ACER1: variants seen among roughly 807,000 people sequenced by gnomAD.
The protein encoded by ACER1 is CTB-180A7.3.
ACER1 carries 28 observed loss-of-function variants against 24.9 expected under a neutral mutation model. The ratio of observed to expected loss-of-function variants is 1.13; its 90% CI spans 0.83 to 1.54. The LOEUF is 1.54. Ranked by LOEUF, ACER1 falls within the 40% of genes most tolerant of loss-of-function variation. The pLI is 0.00. For missense variants in ACER1, 352 were observed against 349.3 expected (o/e 1.01, Z -0.06); for synonymous variants, 132 against 131.4 (o/e 1.00, Z -0.03).
the ACER1 span, among the ~76,000 whole-genome samples, chr19:6,353,813 G>A: frequency 0.015 from 2,311 of 150,606 alleles, 16 homozygotes; most frequent in Middle Eastern, 0.058. Flanking sequence ...CAACAAGAGC[G>A]AAACCCCATC....
At chr19:6,332,383 C>A (rs1341672412) in intron 1 of ACER1, among the ~76,000 whole-genome samples, 1 of 150,364 alleles carries the variant, frequency 6.7e-6, no homozygotes, top group Admixed American at 6.7e-5. Context: ...AAATCCTCCC[C>A]CCTCAGCCTC....
the ACER1 span, among the ~76,000 whole-genome samples, chr19:6,348,465 G>GAAAAAAAAAAAAAAAAA: frequency 9.8e-6 from 1 of 101,902 alleles, no homozygotes; most frequent in African/African-American, 3.6e-5. Context: ...ACTCCATCTG[G>GAAAAAAAAAAAAAAAAA]AAAAAAAAAA....
chr19:6,318,931 C>A (rs1476567272), intron 1 of ACER1, among the ~76,000 whole-genome samples: 2 of 151,218 alleles, frequency 1.3e-5, no homozygotes, highest in African/African-American at 4.9e-5. Flanking sequence ...TGCTGCCTGG[C>A]CCTGTGACTA....
Position 6,327,918 on chromosome 19 carries a change from T to C in ACER1, c.93+5541A>G, listed in dbSNP as rs943438406. ...GGTGAAACCCCATCTCTACTAAAAA[T>C]AACAAAAAATAGCTGGGCATGGTGG... On this transcript the variant is annotated intron_variant, in intron 1 of 5. Transcript: ENST00000301452. 3.7e-4 allele frequency among the ~76,000 whole-genome samples: 55 copies of C among 150,154 alleles called. 1 individual carries two copies. Among genetic ancestry groups the C allele is most frequent in the Non-Finnish European group, 3.0e-5 (2 of 67,508 alleles).
At position 6,309,801 on chromosome 19, in the gene ACER1, A is replaced by G. The variant is rs148872392; in HGVS notation, c.384T>C (p.Thr128=). Residue 128 remains threonine (T), a synonymous_variant, in exon 4 of 6, where the codon ACT becomes ACC. Transcript: ENST00000301452. ...GGAAGGACAGAAGGGTGCTGACCAC[A>G]GTGGTGATGAAGACCAGGCGGATGA... ...SQFIRLVFIT[T]VVSTLLSFLR... 2.5e-4 allele frequency: 409 copies of G among 1,613,974 alleles called. No homozygotes were observed. The highest frequency in any genetic ancestry group is 3.3e-4 in the Non-Finnish European group (395 of 1,179,982).
At chr19:6,321,841 A>G (rs2091632803) in intron 1 of ACER1, among the ~76,000 whole-genome samples, 1 of 151,432 alleles carries the variant, frequency 6.6e-6, no homozygotes, top group African/African-American at 2.4e-5. Context: ...CGAACTCCTG[A>G]CCTCAGGTCA....
intron 1 of ACER1, among the ~76,000 whole-genome samples, chr19:6,323,077 A>C (rs1201720474): frequency 6.6e-6 from 1 of 151,950 alleles, no homozygotes. Context: ...ACGCCATTGC[A>C]CTCCAGCCTG....
At chr19:6,347,109 A>ATATAT in the ACER1 span, among the ~76,000 whole-genome samples, 123 of 113,772 alleles carry the variant, frequency 1.1e-3, 5 homozygotes, top group South Asian at 5.2e-4. Context: ...AAAAAAAAAA[A>ATATAT]ATATATATAT....
chr19:6,311,649 G>A (rs1419422429), intron 3 of ACER1, among the ~76,000 whole-genome samples: 3 of 150,194 alleles, frequency 2.0e-5, no homozygotes, highest in Non-Finnish European at 4.4e-5. Flanking sequence ...GAAGAAGAAG[G>A]AGAAGGAGGA....
At chr19:6,324,523 C>T (rs1472329474) in intron 1 of ACER1, among the ~76,000 whole-genome samples, 5 of 150,022 alleles carry the variant, frequency 3.3e-5, no homozygotes, top group Non-Finnish European at 7.4e-5. Flanking sequence ...TTTGGGAGGC[C>T]GAGGCGGGCA....
chr19:6,337,661 CTTTTTTTTTTTTTTT>C (rs1192304687), upstream of ACER1, among the ~76,000 whole-genome samples: 293 of 25,932 alleles, frequency 0.011, 1 homozygote, highest in Admixed American at 0.031. Flanking sequence ...TTCTTTCTTT[CTTTTTTTTTTTTTTT>C]TTTTTTTTTT....
rs747991864 is a variant in ACER1 at position 6,333,490 on chromosome 19, T to G, written c.62A>C (p.Tyr21Ser). 6 of 1,593,510 alleles carry G rather than the reference T, an allele frequency of 3.8e-6. No individual in the cohort carries two copies. The highest frequency in any genetic ancestry group is 1.7e-5 in the Admixed American group (1 of 57,150). ...GTAGAACTCGGCCACCAGCTCCGAG[T>G]ACTGGAAGTTGCTCTCACACCAGTC... ...EVDWCESNFQ[Y>S]SELVAEFYNT... is the part of the protein sequence containing the mutation. The change falls in exon 1 of 6, where the codon TAC (tyrosine) becomes TCC (serine). Residue 21 changes from tyrosine (Y) to serine (S), a missense_variant. Physicochemically the swap from Tyr to Ser is moderately radical, Grantham distance 144. Transcript: ENST00000301452.
At chr19:6,341,089 A>G in the ACER1 span, among the ~76,000 whole-genome samples, 1 of 151,788 alleles carries the variant, frequency 6.6e-6, no homozygotes, top group African/African-American at 2.4e-5. Context: ...AGCCTCTTCC[A>G]GTCTCTCTCT....
chr19:6,339,034 G>A, the ACER1 span, among the ~76,000 whole-genome samples: 7 of 151,658 alleles, frequency 4.6e-5, no homozygotes, highest in South Asian at 8.3e-4. Context: ...CCACCACCAC[G>A]TCGGGCTAAT....
At chr19:6,336,833 A>G (rs1221432747), upstream of ACER1, among the ~76,000 whole-genome samples, 186 of 150,632 alleles carry the variant, frequency 1.2e-3, no homozygotes, top group African/African-American at 3.1e-3. Flanking sequence ...AAAAAAAAAA[A>G]AAAAGAAAAA....
At chr19:6,315,414 C>T (rs1456950794) in intron 1 of ACER1, among the ~76,000 whole-genome samples, 2 of 151,958 alleles carry the variant, frequency 1.3e-5, no homozygotes, top group South Asian at 2.1e-4. Flanking sequence ...GAGTCTCACT[C>T]CGTCGCCCAG....
chr19:6,357,727 C>A, the ACER1 span, among the ~76,000 whole-genome samples: 2 of 150,958 alleles, frequency 1.3e-5, no homozygotes, highest in African/African-American at 2.4e-5. Flanking sequence ...CGCTTCACTG[C>A]ACTCCAGCCT....
At chr19:6,329,813 C>T (rs2091678840) in intron 1 of ACER1, among the ~76,000 whole-genome samples, 1 of 151,950 alleles carries the variant, frequency 6.6e-6, no homozygotes, top group East Asian at 1.9e-4. Flanking sequence ...TCAAGCAATC[C>T]TCCTGCCTTA....
At chr19:6,334,089 G>C (rs567907315), upstream of ACER1, among the ~76,000 whole-genome samples, 57 of 151,600 alleles carry the variant, frequency 3.8e-4, 1 homozygote, top group African/African-American at 1.4e-3. Flanking sequence ...CTGTTGCCCA[G>C]GCTGGAGTGC....
Sources: gnomAD v4.1 joint callset for allele counts (sites outside exome capture counted in the v4.1 genomes callset) on GRCh38, gnomAD v4.1.1 for gene constraint, MANE v1.5 for transcripts, NCBI Gene and HGNC (gene_info 2026-07-23, HGNC 2026-07-21) for gene names.